The following TBC1D24 variants were observed in gnomAD, a reference collection of about 807,000 sequenced individuals.
The protein encoded by TBC1D24 is Infantile myoclonic epilepsy.
Under a neutral mutation model 50.7 loss-of-function variants are expected in TBC1D24, and 47 were observed. The observed-to-expected ratio is 0.93, with a 90% confidence interval of 0.73 to 1.18. The LOEUF (loss-of-function observed/expected upper bound fraction) is 1.18, where lower values mean the gene tolerates loss of function less well. Among genes scored for constraint, TBC1D24 ranks in the 50% most tolerant of loss-of-function variants. The pLI, the probability that TBC1D24 is intolerant of heterozygous loss-of-function variation, is 0.00. For synonymous variants in TBC1D24, 324 were observed against 335.2 expected (o/e 0.97, Z 0.36); for missense variants, 688 against 766.5 (o/e 0.90, Z 1.21).
Position 2,499,789 on chromosome 16 carries a change from C to T in TBC1D24, c.1207-46C>T. On this transcript the variant is annotated intron_variant, in intron 5 of 7. Transcript: ENST00000646147. The surrounding 1 kb of genome is among the most constrained non-coding windows in gnomAD (Gnocchi z 4.0). ...GTCAGTAGTCTGGAGCACAGGGACG[C>T]TCCTGGGGGCCTGCGGGCACAGCCT... is the stretch of plus-strand genomic sequence containing the variant. 6.5e-7 allele frequency: 1 copy of T among 1,549,194 alleles called. No homozygotes were observed. The highest frequency in any genetic ancestry group is 8.9e-7 in the Non-Finnish European group (1 of 1,120,670).
rs2065803711 is a variant in TBC1D24, at chr16:2,502,627, C to CA, written c.*1670dup. On this transcript the variant is annotated 3_prime_UTR_variant, in exon 8 of 8. Coordinates refer to ENST00000646147, the MANE Select transcript of TBC1D24 (RefSeq NM_001199107.2). ...CAAGCTGACAAACCCGTCTGGAACT[C>CA]AGTTTCCCCAGCTGTGAAATGGGGC... 1 of 152,662 alleles carries CA rather than the reference C, an allele frequency of 6.6e-6. No homozygotes were observed. The highest frequency in any genetic ancestry group is 1.5e-5 in the Non-Finnish European group (1 of 68,184). 9.5% of individuals were successfully genotyped at this position (152,662 alleles called of 1,614,324 possible). A position where few individuals can be genotyped will look rare whatever the true frequency, so the allele number is the denominator to read the frequency against.
intron 1 of TBC1D24, chr16:2,477,292 G>A (rs2065576421): frequency 6.6e-6 from 1 of 152,244 alleles, no homozygotes; most frequent in South Asian, 2.1e-4. Context: ...TGTTTGTTAA[G>A]CGAGGTGCGG....
intron 1 of TBC1D24, chr16:2,477,575 A>G (rs1359757245): frequency 6.6e-6 from 1 of 152,252 alleles, no homozygotes; most frequent in Non-Finnish European, 1.5e-5. Context: ...TGAAAAACAA[A>G]ACAATAAAAA....
At position 2,504,729 on chromosome 16, in the gene TBC1D24, C is replaced by T. The variant is rs369211408; in HGVS notation, c.*3771C>T. 1 of 152,038 alleles carries T rather than the reference C, an allele frequency of 6.6e-6. No homozygotes were observed. The highest frequency in any genetic ancestry group is 1.5e-5 in the Non-Finnish European group (1 of 68,014). The allele number at this position is 152,038 out of a possible 1,614,324, so 9.4% of individuals were successfully genotyped here. ...CAACCGCGCCCAGCCGAGATTGCCC[C>T]GTTTTTTTCCCACTGTCCAGGAATC... On this transcript the variant is annotated 3_prime_UTR_variant, in exon 8 of 8. Coordinates refer to ENST00000646147, the MANE Select transcript of TBC1D24 (RefSeq NM_001199107.2).
At chr16:2,476,184 A>G (rs921130418) in intron 1 of TBC1D24, among the ~76,000 whole-genome samples, 1 of 152,166 alleles carries the variant, frequency 6.6e-6, no homozygotes, top group African/African-American at 2.4e-5. Flanking sequence ...GAACCGTCCC[A>G]TTATTTGGCA....
chr16:2,476,468 G>T (rs1209368153), intron 1 of TBC1D24: 1 of 152,276 alleles, frequency 6.6e-6, no homozygotes, highest in Non-Finnish European at 1.5e-5. Flanking sequence ...TACAGTTACT[G>T]TTCCTAGCCT....
intron 1 of TBC1D24, among the ~76,000 whole-genome samples, chr16:2,491,654 A>G (rs2065696112): frequency 6.6e-6 from 1 of 151,300 alleles, no homozygotes; most frequent in Non-Finnish European, 1.5e-5. Context: ...TGCCGGGTTC[A>G]AGCGATTCTC....
Position 2,496,400 on chromosome 16 carries a change from G to C in TBC1D24, c.252G>C (p.Lys84Asn). 1 of 1,613,172 alleles carries C rather than the reference G, an allele frequency of 6.2e-7. No individual in the cohort carries two copies. Among genetic ancestry groups the C allele is most frequent in the Non-Finnish European group, 8.5e-7 (1 of 1,179,978 alleles). ...ACATCGTGGGCAAGATCGTGGGCAA[G>C]CACAGCAGCAGCTGCCTGCCGCTGC... ...YSDIVGKIVG[K>N]HSSSCLPLPE... The change falls in exon 2 of 8, where the codon AAG becomes AAC. Residue 84 changes from lysine (K) to asparagine (N), a missense_variant. Transcript: ENST00000646147.
At chr16:2,489,807 T>A (rs1192236693) in intron 1 of TBC1D24, among the ~76,000 whole-genome samples, 2 of 152,270 alleles carry the variant, frequency 1.3e-5, no homozygotes, top group Admixed American at 6.5e-5. Flanking sequence ...CTCAGGCAGC[T>A]GAGCGGTCCT....
At position 2,500,926 on chromosome 16, in the gene TBC1D24, G is replaced by A. The variant is rs753675923; in HGVS notation, c.1648G>A (p.Ala550Thr). The A allele has an allele frequency of 6.2e-7, 1 of 1,612,486 alleles. No individual in the cohort carries two copies. The highest frequency in any genetic ancestry group is 1.1e-5 in the South Asian group (1 of 91,092). The part of the protein sequence containing the change: ...SENFLIAAVE[A>T]WGFQDPDTQ ...GAACTTCCTCATTGCTGCCGTGGAG[G>A]CCTGGGGCTTCCAGGACCCTGACAC... Residue 550 changes from alanine to threonine, a missense_variant, in exon 8 of 8, where the codon GCC becomes ACC. Transcript: ENST00000646147. This position sits in a 1 kb window ranked among gnomAD's most constrained non-coding sequence, Gnocchi z 8.0.
In TBC1D24 at chr16:2,496,655, C is replaced by G. The variant is rs529104933; in HGVS notation, c.507C>G (p.Ile169Met). ...LACNDPGRRL[I>M]DQSFLAFESS... ...GCAATGACCCCGGCAGGAGGCTGAT[C>G]GACCAGAGCTTCCTGGCCTTTGAGT... The change falls in exon 2 of 8, where the codon ATC becomes ATG. Residue 169 changes from isoleucine (I) to methionine (M), a missense_variant. By Grantham distance (10) the Ile-to-Met change is conservative. Transcript: ENST00000646147. 1 of 1,612,804 alleles carries G rather than the reference C, an allele frequency of 6.2e-7. No homozygotes were observed. The highest frequency in any genetic ancestry group is 2.2e-5 in the East Asian group (1 of 44,890).
At chr16:2,494,477 G>T (rs2065721383) in intron 1 of TBC1D24, among the ~76,000 whole-genome samples, 1 of 152,112 alleles carries the variant, frequency 6.6e-6, no homozygotes, top group Admixed American at 6.5e-5. Context: ...TTCTCAACTG[G>T]GGGTTCCTTT....
In TBC1D24 at chr16:2,478,918, C is replaced by T. The variant is rs1596952419; in HGVS notation, c.-116+3748C>T. 9 of 148,974 alleles carry T rather than the reference C, an allele frequency of 6.0e-5. No homozygotes were observed. The South Asian group carries it at 1.9e-3, about 32-fold the overall frequency. 9.2% of individuals were successfully genotyped at this position (148,974 alleles called of 1,614,324 possible). A position where few individuals can be genotyped will look rare whatever the true frequency, so the allele number is the denominator to read the frequency against. ...TTTTTTTTCGAGACAGGGTCTCATT[C>T]CCACTGCCGAGGCTAGAGTACAATG... On this transcript the variant is annotated intron_variant, in intron 1 of 7. Coordinates refer to ENST00000646147, the MANE Select transcript of TBC1D24 (RefSeq NM_001199107.2).
At chr16:2,488,368 T>A (rs575684496) in intron 1 of TBC1D24, among the ~76,000 whole-genome samples, 11 of 152,124 alleles carry the variant, frequency 7.2e-5, no homozygotes, top group Admixed American at 2.6e-4. Context: ...CCTCCTCACA[T>A]GTGGTAGAGC....
In TBC1D24 at chr16:2,500,753, G is replaced by T. The variant is rs553023404; in HGVS notation, c.1526-51G>T. On this transcript the variant is annotated intron_variant, in intron 7 of 7. Coordinates refer to ENST00000646147, the MANE Select transcript of TBC1D24 (RefSeq NM_001199107.2). The surrounding 1 kb of genome is among the most constrained non-coding windows in gnomAD (Gnocchi z 8.0). ...GCTGGGACAGCAGGTGAGGTGCCTGGGTCAGTGCTGATAGGGCAGTCAGGC... is the reference window on the plus strand; with the variant it reads ...GCTGGGACAGCAGGTGAGGTGCCTGTGTCAGTGCTGATAGGGCAGTCAGGC... 3.8e-6 allele frequency: 6 copies of T among 1,567,016 alleles called. No homozygotes were observed. In the African/African-American group the frequency reaches 8.1e-5, roughly 21 times the overall value.
At position 2,483,348 on chromosome 16, in the gene TBC1D24, G is replaced by C. The variant is rs1321653744; in HGVS notation, c.-116+8178G>C. 1 of 152,266 alleles carries C rather than the reference G, an allele frequency of 6.6e-6. No homozygotes were observed. The highest frequency in any genetic ancestry group is 2.4e-5 in the African/African-American group (1 of 41,412). The allele number at this position is 152,266 out of a possible 1,614,324, so 9.4% of individuals were successfully genotyped here. A position where few individuals can be genotyped will look rare whatever the true frequency, so the allele number is the denominator to read the frequency against. On this transcript the variant is annotated intron_variant, in intron 1 of 7. Transcript: ENST00000646147. This position sits in a 1 kb window ranked among gnomAD's most constrained non-coding sequence, Gnocchi z 4.0. Reference sequence around the variant, plus strand: ...TCTCGTGCCTCGGGCTCACTTCCTCGTGCAGTTTATCCATATGGCTGAGAC... The same window carrying C: ...TCTCGTGCCTCGGGCTCACTTCCTCCTGCAGTTTATCCATATGGCTGAGAC...
intron 1 of TBC1D24, chr16:2,481,597 G>A (rs1439419717): frequency 6.6e-6 from 1 of 152,192 alleles, no homozygotes; most frequent in African/African-American, 2.4e-5. Context: ...GTGTCCTGGG[G>A]GTGTTTTTCC....
chr16:2,498,005 C>T (rs749083056), intron 3 of TBC1D24, among the ~76,000 whole-genome samples: 1 of 152,222 alleles, frequency 6.6e-6, no homozygotes, highest in African/African-American at 2.4e-5. Flanking sequence ...AGAAAAGTTG[C>T]ATTGTCCCCA....
chr16:2,499,348 C>T lies in TBC1D24; in HGVS notation c.1143-9C>T. The T allele has an allele frequency of 6.2e-7, 1 of 1,611,984 alleles. No individual in the cohort carries two copies. The highest frequency in any genetic ancestry group is 8.5e-7 in the Non-Finnish European group (1 of 1,179,132). On this transcript the variant is annotated splice_polypyrimidine_tract_variant and intron_variant, in intron 4 of 7. Transcript: ENST00000646147. The surrounding 1 kb of genome is among the most constrained non-coding windows in gnomAD (Gnocchi z 4.0). ...AGGGTGACAGCTGGCATGCGTGTCT[C>T]TACGCCAGGTTCTACTTCCAGTGTG... is the stretch of plus-strand genomic sequence containing the variant.
Sources: gnomAD v4.1 joint callset for allele counts (sites outside exome capture counted in the v4.1 genomes callset) on GRCh38, gnomAD v4.1.1 for gene constraint, Gnocchi (gnomAD v3.1) non-coding constraint, MANE v1.5 for transcripts, NCBI Gene and HGNC (gene_info 2026-07-23, HGNC 2026-07-21) for gene names.